The following RALGPS1 variants were observed in gnomAD, a reference collection of about 807,000 sequenced individuals.
The protein encoded by RALGPS1 is Ral GEF with PH domain and SH3 binding motif 1.
Under a neutral mutation model 78.8 loss-of-function variants are expected in RALGPS1, and 19 were observed. The observed-to-expected ratio is 0.24, with a 90% CI of 0.17 to 0.35. The LOEUF is 0.35. Ranked by LOEUF, RALGPS1 falls within the 10% of genes least tolerant of loss-of-function variation. RALGPS1 has a pLI of 1.00. For missense variants in RALGPS1, 454 were observed against 688.3 expected, an observed-to-expected ratio of 0.66 and a Z score of 3.81; for synonymous variants, 228 against 256.3, an observed-to-expected ratio of 0.89 and a Z score of 1.06.
intron 4 of RALGPS1, among the ~76,000 whole-genome samples, chr9:127,009,483 C>G (rs1033659464): frequency 6.6e-6 from 1 of 152,320 alleles, no homozygotes; most frequent in South Asian, 2.1e-4. Flanking sequence ...GTATAAATAT[C>G]CCCTTTTAGC....
At chr9:127,193,369 A>G (rs1475317556) in intron 11 of RALGPS1, among the ~76,000 whole-genome samples, 1 of 152,128 alleles carries the variant, frequency 6.6e-6, no homozygotes, top group Non-Finnish European at 1.5e-5. Context: ...TTGGAATGTT[A>G]TTGAGAATAA....
At chr9:127,172,671 ACT>A (rs1249003887) in intron 10 of RALGPS1, among the ~76,000 whole-genome samples, 2 of 151,952 alleles carry the variant, frequency 1.3e-5, no homozygotes, top group Non-Finnish European at 2.9e-5. Flanking sequence ...TTCATTCAGC[ACT>A]CTCTTATTTC....
intron 5 of RALGPS1, among the ~76,000 whole-genome samples, chr9:127,041,677 T>C (rs959595428): frequency 6.6e-6 from 1 of 152,104 alleles, no homozygotes. Flanking sequence ...TTACAGTGAC[T>C]AGAAGAGTAG....
At chr9:127,099,279 G>A (rs556567200) in intron 8 of RALGPS1, among the ~76,000 whole-genome samples, 14 of 152,184 alleles carry the variant, frequency 9.2e-5, no homozygotes, top group Non-Finnish European at 1.9e-4. Flanking sequence ...TAGTCCATAC[G>A]CAGGCACTAG....
chr9:127,220,460 T>G lies in RALGPS1; in HGVS notation c.*1691T>G, dbSNP rs998298262. On this transcript the variant is annotated 3_prime_UTR_variant, in exon 19 of 19. Coordinates refer to ENST00000259351, the MANE Select transcript of RALGPS1 (RefSeq NM_014636.3). Reference sequence around the variant, plus strand: ...AGTTGAGCCTTACAATGCTTAGTAGTTCATCTTCTTTTTGAGCAAAGACTA... The same window carrying G: ...AGTTGAGCCTTACAATGCTTAGTAGGTCATCTTCTTTTTGAGCAAAGACTA... The G allele has an allele frequency of 2.0e-5, 3 of 152,150 alleles. No individual in the cohort carries two copies. The highest frequency in any genetic ancestry group is 4.4e-5 in the Non-Finnish European group (3 of 68,020). 9.4% of individuals were successfully genotyped at this position (152,150 alleles called of 1,614,324 possible).
At chr9:126,995,647 C>G (rs1042772656) in intron 4 of RALGPS1, among the ~76,000 whole-genome samples, 1 of 151,824 alleles carries the variant, frequency 6.6e-6, no homozygotes, top group African/African-American at 2.4e-5. Flanking sequence ...ACAAGGATAC[C>G]CAGGAATTGA....
At chr9:126,965,763 C>G (rs2039426232) in intron 2 of RALGPS1, 81 bp from the exon 3 acceptor site, 2 of 1,053,268 alleles carry the variant, frequency 1.9e-6, no homozygotes, top group Non-Finnish European at 2.9e-6. Context: ...GCTCTCCCAT[C>G]CTGAATTCCG....
intron 10 of RALGPS1, among the ~76,000 whole-genome samples, chr9:127,174,403 A>G (rs368396362): frequency 2.6e-5 from 4 of 152,186 alleles, no homozygotes; most frequent in African/African-American, 4.8e-5. Flanking sequence ...TGCTAATCCT[A>G]TGAATTTGGG....
At position 127,091,879 on chromosome 9, in the gene RALGPS1, G is replaced by T; in HGVS notation, c.610+22523G>T. On this transcript the variant is annotated intron_variant, in intron 8 of 18. Coordinates refer to ENST00000259351, the MANE Select transcript of RALGPS1 (RefSeq NM_014636.3). This position sits in a 1 kb window ranked among gnomAD's most constrained non-coding sequence, Gnocchi z 4.3. Reference sequence around the variant, plus strand: ...CAGGAGTTTGTAGTTGCCTTGGTTCGTCAGCCAGTAAATGTTCTCCAGGCC... The same window carrying T: ...CAGGAGTTTGTAGTTGCCTTGGTTCTTCAGCCAGTAAATGTTCTCCAGGCC... 1 of 1,614,124 alleles carries T rather than the reference G, an allele frequency of 6.2e-7. No homozygotes were observed. Among genetic ancestry groups the T allele is most frequent in the Non-Finnish European group, 8.5e-7 (1 of 1,180,032 alleles).
intron 4 of RALGPS1, among the ~76,000 whole-genome samples, chr9:127,011,076 T>C (rs2044294344): frequency 6.6e-6 from 1 of 152,094 alleles, no homozygotes; most frequent in Non-Finnish European, 1.5e-5. Context: ...CATAGCAGTG[T>C]GGCCAAGCCA....
intron 4 of RALGPS1, among the ~76,000 whole-genome samples, chr9:126,982,513 C>A (rs2417044): frequency 0.59 from 89,092 of 152,092 alleles, 30,172 homozygotes; most frequent in East Asian, 0.81. Context: ...AAACAACAAC[C>A]ACCATTTTTG....
intron 3 of RALGPS1, among the ~76,000 whole-genome samples, chr9:126,969,689 C>T (rs1159504070): frequency 6.6e-6 from 1 of 152,122 alleles, no homozygotes; most frequent in East Asian, 1.9e-4. Flanking sequence ...AGCTGTTTAC[C>T]CTGTGGAATG....
chr9:127,014,830 T>C (rs2044671852), intron 4 of RALGPS1, among the ~76,000 whole-genome samples: 2 of 152,136 alleles, frequency 1.3e-5, no homozygotes, highest in Admixed American at 1.3e-4. Flanking sequence ...TCCTGTGTGG[T>C]TATCTTACAT....
intron 3 of RALGPS1, among the ~76,000 whole-genome samples, chr9:126,969,094 G>A (rs1447769511): frequency 6.6e-6 from 1 of 152,076 alleles, no homozygotes; most frequent in Admixed American, 6.6e-5. Context: ...AAAAATGAAA[G>A]AGGTAAAATT....
rs1241335789 is a variant in RALGPS1, at chr9:127,205,389, A to G, written c.1247+6323A>G. 1.3e-5 allele frequency among the ~76,000 whole-genome samples: 2 copies of G among 152,198 alleles called. No individual in the cohort carries two copies. The highest frequency in any genetic ancestry group is 4.8e-5 in the African/African-American group (2 of 41,448). Reference sequence around the variant, plus strand: ...ATGTGATCTCTTGCCTTACTCCCTTAGCTCCAAACACTAAAGTCTGGCAGT... The same window carrying G: ...ATGTGATCTCTTGCCTTACTCCCTTGGCTCCAAACACTAAAGTCTGGCAGT... On this transcript the variant is annotated intron_variant, in intron 14 of 18. Coordinates refer to ENST00000259351, the MANE Select transcript of RALGPS1 (RefSeq NM_014636.3). This position sits in a 1 kb window ranked among gnomAD's most constrained non-coding sequence, Gnocchi z 4.0.
At chr9:127,152,078 T>C (rs1344923237) in intron 8 of RALGPS1, among the ~76,000 whole-genome samples, 1 of 152,210 alleles carries the variant, frequency 6.6e-6, no homozygotes, top group Non-Finnish European at 1.5e-5. Flanking sequence ...CATGCATCTC[T>C]CTTTCCATCG....
At chr9:127,051,210 A>G (rs1215585258) in intron 6 of RALGPS1, among the ~76,000 whole-genome samples, 3 of 152,232 alleles carry the variant, frequency 2.0e-5, no homozygotes, top group South Asian at 2.1e-4. Flanking sequence ...GTTGCTGTCA[A>G]TCAGTTCTGT....
At position 126,930,946 on chromosome 9, in the gene RALGPS1, A is replaced by G. The variant is rs923054580; in HGVS notation, c.-66+15971A>G. Among the ~76,000 whole-genome samples, 3 of 152,366 alleles carry G rather than the reference A, an allele frequency of 2.0e-5. No individual in the cohort carries two copies. In the South Asian group the frequency reaches 6.2e-4, roughly 32 times the overall value. On this transcript the variant is annotated intron_variant, in intron 1 of 18. Coordinates refer to ENST00000259351, the MANE Select transcript of RALGPS1 (RefSeq NM_014636.3). The stretch of plus-strand genomic sequence containing the variant: ...ACTCTCCTTGTGAGAGAGCCACTTT[A>G]GGTTGTGCTATGAGTGAGAGAAAAT...
chr9:127,008,364 G>A (rs2044047070), intron 4 of RALGPS1, among the ~76,000 whole-genome samples: 2 of 152,178 alleles, frequency 1.3e-5, no homozygotes, highest in Non-Finnish European at 2.9e-5. Context: ...GCTGCCCCTG[G>A]CCCTGTCTGT....
Sources: allele counts gnomAD v4.1 joint callset (sites outside exome capture counted in the v4.1 genomes callset), GRCh38; gene constraint gnomAD v4.1.1; non-coding constraint Gnocchi (gnomAD v3.1); transcripts MANE v1.5; gene names NCBI Gene and HGNC (gene_info 2026-07-23, HGNC 2026-07-21).